FREM2: variants seen among roughly 807,000 people sequenced by gnomAD.
FREM2 encodes the protein FRAS1 related extracellular matrix 2, also known as FRAS1-related extracellular matrix protein 2.
In FREM2, 119 loss-of-function variants were observed where a neutral mutation model predicts 219.9. The observed-to-expected ratio is 0.54, with a 90% CI of 0.47 to 0.63. The LOEUF (loss-of-function observed/expected upper bound fraction) is 0.63, where lower values mean the gene tolerates loss of function less well. Ranked by LOEUF, FREM2 falls within the 30% of genes least tolerant of loss-of-function variation. The pLI is 0.00. For synonymous variants in FREM2, 1,562 were observed against 1,522.8 expected (o/e 1.03, Z -0.60); for missense variants, 4,030 against 3,993.6 (o/e 1.01, Z -0.25).
In FREM2 at chr13:38,886,170, G is replaced by A. The variant is rs1366759801; in HGVS notation, c.*5383G>A. 6.6e-6 allele frequency: 1 copy of A among 152,066 alleles called. No homozygotes were observed. The highest frequency in any genetic ancestry group is 1.9e-4 in the East Asian group (1 of 5,188). 9.4% of individuals were successfully genotyped at this position (152,066 alleles called of 1,614,324 possible). On this transcript the variant is annotated 3_prime_UTR_variant, in exon 24 of 24. Transcript: ENST00000280481. Reference sequence around the variant, plus strand: ...TTTAAAAGCTAGCATTAAAAGTAAAGAGCAGTACAATAAAAATCACTTAAA... The same window carrying A: ...TTTAAAAGCTAGCATTAAAAGTAAAAAGCAGTACAATAAAAATCACTTAAA...
intron 6 of FREM2, among the ~76,000 whole-genome samples, chr13:38,840,625 AATATATATAT>A (rs66795118): frequency 7.4e-6 from 1 of 135,116 alleles, no homozygotes; most frequent in Non-Finnish European, 1.5e-5. Context: ...ATAAAACTAA[AATATATATAT>A]ATATATATAT....
intron 6 of FREM2, among the ~76,000 whole-genome samples, chr13:38,805,541 TA>T (rs1223329898): frequency 6.6e-6 from 1 of 151,860 alleles, no homozygotes; most frequent in Non-Finnish European, 1.5e-5. Context: ...CAGAACTAAC[TA>T]AGCTGAAGTT....
chr13:38,860,503 G>GT (rs1439360199), intron 14 of FREM2, among the ~76,000 whole-genome samples: 26 of 152,168 alleles, frequency 1.7e-4, no homozygotes, highest in Non-Finnish European at 3.2e-4. Context: ...GAGGTCATAT[G>GT]TCCCACCTGT....
At position 38,714,351 on chromosome 13, in the gene FREM2, A is replaced by G. The variant is rs547193226; in HGVS notation, c.5263+16564A>G. Among the ~76,000 whole-genome samples the G allele has an allele frequency of 1.6e-4, 24 of 152,352 alleles. No individual in the cohort carries two copies. The South Asian group carries it at 1.7e-3, about 11-fold the overall frequency. Reference sequence around the variant, plus strand: ...AATAACATCAAAAGTATAGACATCAAATACTTCTGAAAGTGAAGTTATAAT... The same window carrying G: ...AATAACATCAAAAGTATAGACATCAGATACTTCTGAAAGTGAAGTTATAAT... On this transcript the variant is annotated intron_variant, in intron 2 of 23. Coordinates refer to ENST00000280481, the MANE Select transcript of FREM2 (RefSeq NM_207361.6).
At chr13:38,723,501 G>A (rs1369468496) in intron 2 of FREM2, among the ~76,000 whole-genome samples, 1 of 152,168 alleles carries the variant, frequency 6.6e-6, no homozygotes, top group Non-Finnish European at 1.5e-5. Flanking sequence ...TGGGAAAAAA[G>A]ACCTTCTGGT....
chr13:38,725,539 G>A (rs542236471), intron 2 of FREM2, among the ~76,000 whole-genome samples: 2 of 152,194 alleles, frequency 1.3e-5, no homozygotes, highest in African/African-American at 4.8e-5. Context: ...GAGAAATTGG[G>A]CACCTGTTCT....
Position 38,874,094 on chromosome 13 carries a change from A to G in FREM2, c.8177-388A>G, listed in dbSNP as rs1226928964. ...AAGCTTCAGAGGTTTCTTTAAGTCTATAAAATTAGGAATAATTCTGGATAA... is the reference window on the plus strand; with the variant it reads ...AAGCTTCAGAGGTTTCTTTAAGTCTGTAAAATTAGGAATAATTCTGGATAA... On this transcript the variant is annotated intron_variant, in intron 17 of 23. Coordinates refer to ENST00000280481, the MANE Select transcript of FREM2 (RefSeq NM_207361.6). Among the ~76,000 whole-genome samples the G allele has an allele frequency of 2.6e-5, 4 of 152,200 alleles. No homozygotes were observed. The East Asian group carries it at 7.7e-4, about 29-fold the overall frequency.
intron 4 of FREM2, among the ~76,000 whole-genome samples, chr13:38,781,305 A>G (rs1004544064): frequency 1.3e-5 from 2 of 152,060 alleles, no homozygotes; most frequent in Non-Finnish European, 2.9e-5. Flanking sequence ...CTACCTTCCA[A>G]TCTCAGCTCA....
intron 4 of FREM2, among the ~76,000 whole-genome samples, chr13:38,778,778 G>C (rs1463920591): frequency 6.6e-6 from 1 of 151,676 alleles, no homozygotes; most frequent in Non-Finnish European, 1.5e-5. Flanking sequence ...ACCTGTACTT[G>C]TACCCTGAAC....
chr13:38,695,477 T>A (rs1315881559), intron 1 of FREM2, among the ~76,000 whole-genome samples: 1 of 152,208 alleles, frequency 6.6e-6, no homozygotes, highest in African/African-American at 2.4e-5. Flanking sequence ...GAGGATTTAT[T>A]TCAATGAAAC....
intron 13 of FREM2, 76 bp downstream of exon 13, chr13:38,858,109 G>C: frequency 1.6e-6 from 2 of 1,267,290 alleles, no homozygotes; most frequent in Admixed American, 3.4e-5. Context: ...TATAGCATTG[G>C]CTTTGTTATG....
chr13:38,757,518 A>G (rs893875132), intron 2 of FREM2, among the ~76,000 whole-genome samples: 2 of 152,158 alleles, frequency 1.3e-5, no homozygotes, highest in African/African-American at 4.8e-5. Flanking sequence ...GTGTGTGTCC[A>G]GTGGAAACCC....
In FREM2 at chr13:38,856,183, A is replaced by T; in HGVS notation, c.6983A>T (p.Asp2328Val). The T allele has an allele frequency of 6.2e-7, 1 of 1,612,114 alleles. No individual in the cohort carries two copies. The highest frequency in any genetic ancestry group is 1.7e-5 in the Admixed American group (1 of 60,002). The change falls in exon 12 of 24, where the codon GAC (aspartate) becomes GTC (valine). Residue 2328 changes from aspartate (D) to valine (V), a missense_variant. Around this residue, in one of 2 missense-constraint regions of FREM2, gnomAD observed 3,102 missense variants for 2,950.7 expected, o/e 1.05. Transcript: ENST00000280481. ...GTGGTTGAAATCGAAGTTACCTTTG[A>T]CGGGGTGAGAGAGATGAGAGAGGCC... is the stretch of plus-strand genomic sequence containing the variant. ...QHVVEIEVTF[D>V]GVREMREAFT...
chr13:38,768,606 G>A (rs771102697), intron 3 of FREM2, among the ~76,000 whole-genome samples: 14 of 152,018 alleles, frequency 9.2e-5, no homozygotes, highest in Non-Finnish European at 1.3e-4. Flanking sequence ...ACATCTGTCT[G>A]TCTTACCCAC....
chr13:38,872,796 T>C lies in FREM2; in HGVS notation c.8038T>C (p.Tyr2680His). 1 of 1,614,100 alleles carries C rather than the reference T, an allele frequency of 6.2e-7. No homozygotes were observed. Among genetic ancestry groups the C allele is most frequent in the South Asian group, 1.1e-5 (1 of 91,090 alleles). ...CCTTCGAGTCCCTCTGTATGTTTCC[T>C]ACGTGTTCCATTCCCCCGTGGGGGT... ...VTLRVPLYVSYVFHSPVGVGG... is the reference protein window; with the variant it reads ...VTLRVPLYVSHVFHSPVGVGG... The change falls in exon 17 of 24, where the codon TAC (tyrosine) becomes CAC (histidine). Residue 2680 changes from tyrosine to histidine, a missense_variant. Transcript: ENST00000280481.
intron 6 of FREM2, among the ~76,000 whole-genome samples, chr13:38,828,294 GAC>G (rs1306978219): frequency 1.4e-4 from 22 of 152,218 alleles, no homozygotes; most frequent in African/African-American, 5.1e-4. Flanking sequence ...GATAGATAAA[GAC>G]AGAAATATAT....
At chr13:38,860,712 G>T (rs12429404) in intron 14 of FREM2, among the ~76,000 whole-genome samples, 35,588 of 151,934 alleles carry the variant, frequency 0.23, 4,965 homozygotes, top group African/African-American at 0.39. Context: ...ATAATTCAGC[G>T]TCTTGGTTCC....
intron 6 of FREM2, among the ~76,000 whole-genome samples, chr13:38,789,988 G>A (rs1469224975): frequency 6.6e-6 from 1 of 152,016 alleles, no homozygotes; most frequent in Non-Finnish European, 1.5e-5. Context: ...TATGTAGAAA[G>A]CCTATACAAT....
rs529093320 is a variant in FREM2 at position 38,723,371 on chromosome 13, GATTA to G, written c.5263+25588_5263+25591del. ...TTTTTCATTTTGTTAAATATGATCA[GATTA>G]ATTTTTAAAAATACAAAATTAAGAG... On this transcript the variant is annotated intron_variant, in intron 2 of 23. Coordinates refer to ENST00000280481, the MANE Select transcript of FREM2 (RefSeq NM_207361.6). Among the ~76,000 whole-genome samples the G allele has an allele frequency of 7.9e-4, 120 of 152,260 alleles. 1 individual carries two copies. Among genetic ancestry groups the G allele is most frequent in the African/African-American group, 2.7e-3 (113 of 41,554 alleles).
Sources: allele counts gnomAD v4.1 joint callset (sites outside exome capture counted in the v4.1 genomes callset), GRCh38; gene constraint gnomAD v4.1.1; regional missense constraint gnomAD v4.1.1; transcripts MANE v1.5; gene names NCBI Gene and HGNC (gene_info 2026-07-23, HGNC 2026-07-21).